Variants in KCMF1 observed in about 807,000 individuals in gnomAD.
KCMF1 encodes the protein potassium channel modulatory factor 1.
A neutral mutation model predicts 41.1 loss-of-function variants in KCMF1; 3 were observed. That is an observed-to-expected ratio of 0.07 (90% CI 0.03 to 0.19). The LOEUF (loss-of-function observed/expected upper bound fraction) is 0.19. Among genes scored for constraint, KCMF1 ranks in the 10% least tolerant of loss-of-function variants. The pLI is 1.00. For synonymous variants in KCMF1, 142 were observed against 164.5 expected (o/e 0.86, Z 1.04); for missense variants, 286 against 488.9 (o/e 0.58, Z 3.91).
intron 1 of KCMF1, among the ~76,000 whole-genome samples, chr2:85,016,660 C>T (rs56000191): frequency 0.069 from 10,457 of 151,568 alleles, 608 homozygotes; most frequent in East Asian, 0.34. Flanking sequence ...CTGGTTACTT[C>T]TGCTTTTCAC....
At chr2:85,028,133 AAAACTCCCC>A in intron 2 of KCMF1, 77 bp downstream of exon 2, 1 of 874,560 alleles carries the variant, frequency 1.1e-6, no homozygotes, top group African/African-American at 1.7e-5. Context: ...AAAGTGTTCT[AAAACTCCCC>A]AGCAGCATAC....
chr2:84,980,588 A>G (rs1405028357), intron 1 of KCMF1, among the ~76,000 whole-genome samples: 1 of 151,842 alleles, frequency 6.6e-6, no homozygotes, highest in Non-Finnish European at 1.5e-5. Context: ...AGTTGTAGCA[A>G]AGTAGAATTA....
chr2:85,015,436 G>T (rs1191188237), intron 1 of KCMF1, among the ~76,000 whole-genome samples: 2 of 152,102 alleles, frequency 1.3e-5, no homozygotes, highest in African/African-American at 4.8e-5. Flanking sequence ...CAGATAAGAG[G>T]CTCTGAAAGG....
At chr2:85,014,721 G>T (rs549272826) in intron 1 of KCMF1, among the ~76,000 whole-genome samples, 4 of 143,696 alleles carry the variant, frequency 2.8e-5, no homozygotes, top group African/African-American at 8.3e-5. Context: ...GCGTGCGTGC[G>T]TGCGTGTGTG....
chr2:85,008,355 A>T (rs9677755), intron 1 of KCMF1, among the ~76,000 whole-genome samples: 1 of 34,798 alleles, frequency 2.9e-5, no homozygotes, highest in African/African-American at 1.6e-4. Flanking sequence ...ATAATATATA[A>T]TATATATTAT....
At chr2:85,006,290 A>ATTT (rs1674468969) in intron 1 of KCMF1, among the ~76,000 whole-genome samples, 1 of 113,404 alleles carries the variant, frequency 8.8e-6, no homozygotes, top group African/African-American at 3.4e-5. Flanking sequence ...AAATATTCTC[A>ATTT]TTTTCTTTTT....
At chr2:85,049,164 C>T (rs781290143) in intron 5 of KCMF1, among the ~76,000 whole-genome samples, 8 of 152,194 alleles carry the variant, frequency 5.3e-5, no homozygotes, top group African/African-American at 9.7e-5. Flanking sequence ...GGTTAATATT[C>T]GTATGCATTT....
intron 4 of KCMF1, 113 bp from the exon 5 acceptor site, chr2:85,045,986 ATGTGC>A: frequency 1.2e-6 from 1 of 810,150 alleles, no homozygotes; most frequent in African/African-American, 1.7e-5. Flanking sequence ...TTTAAGTTAA[ATGTGC>A]TGTTTTTAAA....
intron 3 of KCMF1, among the ~76,000 whole-genome samples, chr2:85,041,814 C>T (rs1047753436): frequency 1.4e-5 from 2 of 142,230 alleles, no homozygotes; most frequent in African/African-American, 5.3e-5. Flanking sequence ...GAGTTTAAAA[C>T]CAAAGACAAA....
At chr2:85,003,985 C>G (rs62162795) in intron 1 of KCMF1, among the ~76,000 whole-genome samples, 2,338 of 152,160 alleles carry the variant, frequency 0.015, 32 homozygotes, top group Non-Finnish European at 0.025. Context: ...AGTACTGAAC[C>G]CTATGTATCC....
chr2:84,971,785 T>C (rs1673401742), intron 1 of KCMF1, among the ~76,000 whole-genome samples: 1 of 150,512 alleles, frequency 6.6e-6, no homozygotes, highest in Admixed American at 6.6e-5. Context: ...TCGGGACTGA[T>C]ACCGGACGCC....
chr2:85,006,908 A>C (rs557537108), intron 1 of KCMF1, among the ~76,000 whole-genome samples: 4 of 151,892 alleles, frequency 2.6e-5, no homozygotes, highest in African/African-American at 9.6e-5. Flanking sequence ...CGGGAGTTTG[A>C]GACCAGGCTG....
At chr2:85,013,077 C>G (rs1204901057) in intron 1 of KCMF1, among the ~76,000 whole-genome samples, 1 of 152,146 alleles carries the variant, frequency 6.6e-6, no homozygotes, top group Non-Finnish European at 1.5e-5. Context: ...ACTTCCCCAG[C>G]TAGAACAAGT....
chr2:84,989,871 A>G (rs985492330), intron 1 of KCMF1, among the ~76,000 whole-genome samples: 1 of 152,192 alleles, frequency 6.6e-6, no homozygotes. Flanking sequence ...GAACATGAGG[A>G]CTAGGCTAAG....
intron 1 of KCMF1, among the ~76,000 whole-genome samples, chr2:84,988,993 A>G (rs72928876): frequency 0.025 from 3,735 of 152,280 alleles, 150 homozygotes; most frequent in African/African-American, 0.085. Context: ...GCACCACCAG[A>G]TATTCTAAGT....
intron 1 of KCMF1, among the ~76,000 whole-genome samples, chr2:84,972,411 CTTTAA>C (rs1416992710): frequency 1.3e-5 from 2 of 152,146 alleles, no homozygotes; most frequent in East Asian, 3.8e-4. Flanking sequence ...AATAAGTTAA[CTTTAA>C]TTTATTGCCA....
rs1312306274 is a variant in KCMF1, at chr2:85,035,158, A to G, written c.324+3A>G. 6.2e-7 allele frequency: 1 copy of G among 1,610,772 alleles called. No individual in the cohort carries two copies. Among genetic ancestry groups the G allele is most frequent in the Non-Finnish European group, 8.5e-7 (1 of 1,178,586 alleles). On this transcript the variant is annotated splice_donor_region_variant and intron_variant, in intron 3 of 6. Coordinates refer to ENST00000409785, the MANE Select transcript of KCMF1 (RefSeq NM_020122.5). ...ATGCAGAAACATCAACAGAAGTGGTAAGTGAAGCAGCAACCTTATGACTAA... is the reference window on the plus strand; with the variant it reads ...ATGCAGAAACATCAACAGAAGTGGTGAGTGAAGCAGCAACCTTATGACTAA...
chr2:85,019,328 T>G (rs139475675), intron 1 of KCMF1, among the ~76,000 whole-genome samples: 26 of 152,262 alleles, frequency 1.7e-4, no homozygotes, highest in Non-Finnish European at 3.4e-4. Flanking sequence ...ACACATATAC[T>G]TAGGAGGGCC....
At position 85,056,833 on chromosome 2, in the gene KCMF1, T is replaced by A. The variant is rs1675943433; in HGVS notation, c.*3424T>A. 1.3e-5 allele frequency: 2 copies of A among 152,214 alleles called. No homozygotes were observed. The highest frequency in any genetic ancestry group is 4.8e-5 in the African/African-American group (2 of 41,444). The allele number at this position is 152,214 out of a possible 1,614,324, so 9.4% of individuals were successfully genotyped here. On this transcript the variant is annotated 3_prime_UTR_variant, in exon 7 of 7. Coordinates refer to ENST00000409785, the MANE Select transcript of KCMF1 (RefSeq NM_020122.5). Reference sequence around the variant, plus strand: ...TATATATGACATGCCTGTTTCTTAGTTTGCATGCACAGTTTAAGGGGCACA... The same window carrying A: ...TATATATGACATGCCTGTTTCTTAGATTGCATGCACAGTTTAAGGGGCACA...
Sources: allele counts gnomAD v4.1 joint callset (sites outside exome capture counted in the v4.1 genomes callset), GRCh38; gene constraint gnomAD v4.1.1; transcripts MANE v1.5; gene names NCBI Gene and HGNC (gene_info 2026-07-23, HGNC 2026-07-21).